HCN1: variants seen among roughly 807,000 people sequenced by gnomAD.
HCN1 encodes potassium/sodium hyperpolarization-activated cyclic nucleotide-gated channel 1.
HCN1 carries 13 observed loss-of-function variants against 78.9 expected under a neutral mutation model. The observed-to-expected ratio is 0.16, with a 90% CI of 0.11 to 0.26. The LOEUF (loss-of-function observed/expected upper bound fraction) is 0.26. HCN1 is among the 10% of genes least tolerant of loss of function. The pLI is 1.00. For synonymous variants in HCN1, 552 were observed against 455.5 expected (o/e 1.21, Z -2.70); for missense variants, 810 against 1,154.3 (o/e 0.70, Z 4.32).
At chr5:45,338,184 C>T (rs1029400570) in intron 5 of HCN1, among the ~76,000 whole-genome samples, 6 of 152,042 alleles carry the variant, frequency 3.9e-5, no homozygotes, top group Admixed American at 1.3e-4. Flanking sequence ...CTTTCTTTAC[C>T]ACTGCATTTT....
chr5:45,453,383 GATATT>G (rs371920414), intron 3 of HCN1, among the ~76,000 whole-genome samples: 2 of 152,156 alleles, frequency 1.3e-5, no homozygotes, highest in African/African-American at 4.8e-5. Flanking sequence ...GAAAAAATAA[GATATT>G]ATAATTGCCT....
chr5:45,360,808 C>G (rs1747093397), intron 4 of HCN1, among the ~76,000 whole-genome samples: 1 of 151,930 alleles, frequency 6.6e-6, no homozygotes, highest in African/African-American at 2.4e-5. Context: ...TGAGGGAAAG[C>G]AGATGGTTTA....
At chr5:45,299,464 T>A (rs1235427905) in intron 6 of HCN1, among the ~76,000 whole-genome samples, 1 of 151,978 alleles carries the variant, frequency 6.6e-6, no homozygotes, top group Non-Finnish European at 1.5e-5. Flanking sequence ...TTTTGAATCA[T>A]CTGGGGATTT....
chr5:45,291,918 T>G (rs1291400307), intron 6 of HCN1, among the ~76,000 whole-genome samples: 1 of 152,092 alleles, frequency 6.6e-6, no homozygotes, highest in African/African-American at 2.4e-5. Context: ...TATTTGAAAT[T>G]ATTTTATGTA....
At chr5:45,561,542 TAACATTGC>T (rs1485439361) in intron 2 of HCN1, among the ~76,000 whole-genome samples, 1 of 151,746 alleles carries the variant, frequency 6.6e-6, no homozygotes, top group Non-Finnish European at 1.5e-5. Flanking sequence ...ATTTTATATT[TAACATTGC>T]ATAGAAAAGA....
At chr5:45,619,808 C>G (rs2111992548) in intron 2 of HCN1, among the ~76,000 whole-genome samples, 1 of 152,146 alleles carries the variant, frequency 6.6e-6, no homozygotes, top group Non-Finnish European at 1.5e-5. Context: ...GATTTGAACT[C>G]AGGCCCACAA....
intron 3 of HCN1, among the ~76,000 whole-genome samples, chr5:45,413,752 A>T (rs1468195465): frequency 3.9e-5 from 6 of 152,030 alleles, no homozygotes; most frequent in Non-Finnish European, 7.4e-5. Flanking sequence ...ATATAGGAAA[A>T]TTTTTATTTT....
rs542138995 is a variant in HCN1 at position 45,390,496 on chromosome 5, A to C, written c.1230+5996T>G. Among the ~76,000 whole-genome samples the C allele has an allele frequency of 5.3e-3, 737 of 139,650 alleles. 3 individuals carry two copies. Among genetic ancestry groups the C allele is most frequent in the African/African-American group, 0.024 (705 of 29,738 alleles). The allele number at this position is 139,650 out of a possible 152,430, so 91.6% of individuals were successfully genotyped here. On this transcript the variant is annotated intron_variant, in intron 4 of 7. Coordinates refer to ENST00000303230, the MANE Select transcript of HCN1 (RefSeq NM_021072.4). ...AAAAAGAAGCTAACATATGTGCTGT[A>C]AAAAATAATAAATGTAAACAGCAAA...
intron 2 of HCN1, among the ~76,000 whole-genome samples, chr5:45,540,782 T>C (rs1489669985): frequency 6.6e-6 from 1 of 152,224 alleles, no homozygotes; most frequent in Non-Finnish European, 1.5e-5. Flanking sequence ...ACTCTACATA[T>C]CATAATTTTA....
intron 3 of HCN1, among the ~76,000 whole-genome samples, chr5:45,432,452 T>G (rs1269961297): frequency 6.6e-6 from 1 of 152,074 alleles, no homozygotes; most frequent in Non-Finnish European, 1.5e-5. Flanking sequence ...CTCTAGTACT[T>G]CTAGTACTAG....
At chr5:45,547,879 AT>A (rs977716944) in intron 2 of HCN1, among the ~76,000 whole-genome samples, 1 of 151,970 alleles carries the variant, frequency 6.6e-6, no homozygotes, top group Non-Finnish European at 1.5e-5. Flanking sequence ...CAGAGATTAT[AT>A]TGATATGTTA....
chr5:45,319,809 T>A (rs1746085475), intron 5 of HCN1, among the ~76,000 whole-genome samples: 1 of 151,868 alleles, frequency 6.6e-6, no homozygotes, highest in African/African-American at 2.4e-5. Context: ...CTAAATACTC[T>A]GAAACTTTAA....
chr5:45,694,001 T>C (rs1034990452), intron 1 of HCN1, among the ~76,000 whole-genome samples: 8 of 152,166 alleles, frequency 5.3e-5, no homozygotes, highest in South Asian at 4.1e-4. Context: ...TATATTTCCA[T>C]TGGGGACTGA....
At chr5:45,385,222 T>C (rs1747887860) in intron 4 of HCN1, among the ~76,000 whole-genome samples, 1 of 152,188 alleles carries the variant, frequency 6.6e-6, no homozygotes, top group East Asian at 1.9e-4. Flanking sequence ...CTATTTTATA[T>C]TATTTTTATA....
At chr5:45,607,430 A>G (rs1192024073) in intron 2 of HCN1, among the ~76,000 whole-genome samples, 1 of 151,658 alleles carries the variant, frequency 6.6e-6, no homozygotes, top group Non-Finnish European at 1.5e-5. Flanking sequence ...TAAAAGAAGC[A>G]TAAGACATCA....
intron 3 of HCN1, among the ~76,000 whole-genome samples, chr5:45,407,249 A>G (rs189117693): frequency 3.8e-4 from 58 of 152,316 alleles, no homozygotes; most frequent in African/African-American, 1.3e-3. Flanking sequence ...TCCTGTAGCT[A>G]TCATAATGTC....
Position 45,357,555 on chromosome 5 carries a change from A to G in HCN1, c.1231-4309T>C, listed in dbSNP as rs138861853. Among the ~76,000 whole-genome samples, 451 of 152,130 alleles carry G rather than the reference A, an allele frequency of 3.0e-3. 2 individuals carry two copies. Among genetic ancestry groups the G allele is most frequent in the African/African-American group, 0.01 (427 of 41,500 alleles). ...CTGTACTTTTAATATTTTTAGTTTA[A>G]AAATATACTAATATGAGATTTTTGA... On this transcript the variant is annotated intron_variant, in intron 4 of 7. Transcript: ENST00000303230.
chr5:45,478,391 A>C (rs901569692), intron 2 of HCN1, among the ~76,000 whole-genome samples: 2 of 152,230 alleles, frequency 1.3e-5, no homozygotes, highest in Non-Finnish European at 2.9e-5. Flanking sequence ...AGCAGATGCT[A>C]AACTTTATGA....
chr5:45,546,766 G>C (rs1401598868), intron 2 of HCN1, among the ~76,000 whole-genome samples: 1 of 151,754 alleles, frequency 6.6e-6, no homozygotes, highest in Non-Finnish European at 1.5e-5. Context: ...CAGACCAGAA[G>C]ACACCTTAAA....
Sources: gnomAD v4.1 joint callset for allele counts (sites outside exome capture counted in the v4.1 genomes callset) on GRCh38, gnomAD v4.1.1 for gene constraint, MANE v1.5 for transcripts, NCBI Gene and HGNC (gene_info 2026-07-23, HGNC 2026-07-21) for gene names.